The following TBC1D22B variants were observed in gnomAD, a reference collection of about 807,000 sequenced individuals.
TBC1D22B encodes the protein chromosome 6 open reading frame 197.
In TBC1D22B, 32 loss-of-function variants were observed where a neutral mutation model predicts 69.1. The observed-to-expected ratio is 0.46, with a 90% CI of 0.35 to 0.62. The LOEUF (loss-of-function observed/expected upper bound fraction) is 0.62. Among genes scored for constraint, TBC1D22B ranks in the 20% least tolerant of loss-of-function variants. The pLI, the probability that TBC1D22B is intolerant of heterozygous loss-of-function variation, is 0.00. For synonymous variants in TBC1D22B, 206 were observed against 229.8 expected, an observed-to-expected ratio of 0.90 and a Z score of 0.94; for missense variants, 462 against 630.9, an observed-to-expected ratio of 0.73 and a Z score of 2.87.
chr6:37,271,781 G>C (rs139748548), intron 2 of TBC1D22B, among the ~76,000 whole-genome samples: 67 of 150,288 alleles, frequency 4.5e-4, no homozygotes, highest in Middle Eastern at 3.5e-3. Flanking sequence ...GATTTGGTGT[G>C]TGTATAAGGC....
chr6:37,260,935 C>T (rs943832810), intron 1 of TBC1D22B, among the ~76,000 whole-genome samples: 4 of 152,094 alleles, frequency 2.6e-5, no homozygotes, highest in African/African-American at 9.7e-5. Flanking sequence ...GTACGTAATG[C>T]TTTTATGAAC....
chr6:37,287,471 G>A (rs770453664), intron 7 of TBC1D22B, among the ~76,000 whole-genome samples: 4 of 152,094 alleles, frequency 2.6e-5, no homozygotes, highest in African/African-American at 9.7e-5. Context: ...TCACGTTATT[G>A]TATGACCATC....
At chr6:37,302,251 G>A (rs1050805125) in intron 8 of TBC1D22B, among the ~76,000 whole-genome samples, 1 of 152,198 alleles carries the variant, frequency 6.6e-6, no homozygotes, top group East Asian at 1.9e-4. Context: ...TGTAAAAGTG[G>A]GTCCTCTGCA....
chr6:37,330,649 A>G (rs1040151159), intron 12 of TBC1D22B, among the ~76,000 whole-genome samples: 18 of 152,224 alleles, frequency 1.2e-4, no homozygotes, highest in Admixed American at 9.2e-4. Flanking sequence ...CTGTCTCAAA[A>G]AAAAGTCATA....
intron 12 of TBC1D22B, among the ~76,000 whole-genome samples, chr6:37,319,471 C>T (rs1335339195): frequency 6.6e-6 from 1 of 152,186 alleles, no homozygotes; most frequent in Non-Finnish European, 1.5e-5. Flanking sequence ...TAGCAGTTCA[C>T]AATATCGGCA....
intron 8 of TBC1D22B, among the ~76,000 whole-genome samples, chr6:37,309,171 A>C (rs1767827374): frequency 6.6e-6 from 1 of 152,226 alleles, no homozygotes; most frequent in South Asian, 2.1e-4. Flanking sequence ...ATTGAGACAC[A>C]GAAAGTAAAG....
Position 37,284,423 on chromosome 6 carries a change from G to T in TBC1D22B, c.760G>T (p.Asp254Tyr). ...EYFGFIEQYYDSRNEEHHQDT... is the reference protein window; with the variant it reads ...EYFGFIEQYYYSRNEEHHQDT... ...TTTTGGCTTCATTGAACAGTATTAT[G>T]ACTCTCGAAACGAGGAACATCACCA... Residue 254 changes from aspartate (D) to tyrosine (Y), a missense_variant, in exon 6 of 13, where the codon GAC becomes TAC. Around this residue, in one of 2 missense-constraint regions of TBC1D22B, gnomAD observed 225 missense variants for 375.4 expected, o/e 0.60. Coordinates refer to ENST00000373491, the MANE Select transcript of TBC1D22B (RefSeq NM_017772.4). 1 of 1,608,432 alleles carries T rather than the reference G, an allele frequency of 6.2e-7. No homozygotes were observed. Among genetic ancestry groups the T allele is most frequent in the South Asian group, 1.1e-5 (1 of 90,076 alleles).
At chr6:37,304,543 T>G (rs115844037) in intron 8 of TBC1D22B, among the ~76,000 whole-genome samples, 1 of 152,318 alleles carries the variant, frequency 6.6e-6, no homozygotes, top group African/African-American at 2.4e-5. Context: ...ATATATATTG[T>G]ATGATTCACA....
At chr6:37,279,033 A>G (rs1439025604) in intron 2 of TBC1D22B, among the ~76,000 whole-genome samples, 3 of 152,154 alleles carry the variant, frequency 2.0e-5, no homozygotes, top group Non-Finnish European at 4.4e-5. Context: ...TATTGGTCAT[A>G]TGGCCTCACC....
chr6:37,276,164 T>C (rs931211411), intron 2 of TBC1D22B, among the ~76,000 whole-genome samples: 2 of 151,962 alleles, frequency 1.3e-5, no homozygotes, highest in Admixed American at 1.3e-4. Context: ...GAGGTTTCAC[T>C]ATGTTGGTCA....
In TBC1D22B at chr6:37,316,812, C is replaced by T; in HGVS notation, c.1275C>T (p.Arg425=). Residue 425 remains arginine (R), a synonymous_variant, in exon 11 of 13, where the codon CGC becomes CGT. Transcript: ENST00000373491. ...MRELPLRCTI[R]LWDTYQSEPE... ...AGCTTCCTCTTCGCTGCACCATCCGCCTGTGGGACACATATCAGGTAGGAG... is the reference window on the plus strand; with the variant it reads ...AGCTTCCTCTTCGCTGCACCATCCGTCTGTGGGACACATATCAGGTAGGAG... 1 of 1,614,236 alleles carries T rather than the reference C, an allele frequency of 6.2e-7. No individual in the cohort carries two copies. Among genetic ancestry groups the T allele is most frequent in the Non-Finnish European group, 8.5e-7 (1 of 1,180,048 alleles).
At chr6:37,268,565 A>T (rs1766379628) in intron 1 of TBC1D22B, among the ~76,000 whole-genome samples, 1 of 152,226 alleles carries the variant, frequency 6.6e-6, no homozygotes, top group African/African-American at 2.4e-5. Flanking sequence ...CGAAAAGCAC[A>T]TGAAGCACAA....
intron 6 of TBC1D22B, among the ~76,000 whole-genome samples, chr6:37,285,902 G>A (rs532155452): frequency 2.0e-5 from 3 of 152,354 alleles, no homozygotes; most frequent in East Asian, 3.9e-4. Context: ...GATCACAGGC[G>A]TGAGCCATCG....
chr6:37,324,358 C>A (rs1471699653), intron 12 of TBC1D22B: 1 of 456,624 alleles, frequency 2.2e-6, no homozygotes, highest in Non-Finnish European at 4.4e-6. Flanking sequence ...AGAGGTGGCA[C>A]CGATGATAAA....
chr6:37,315,723 G>C (rs541268525), intron 10 of TBC1D22B, among the ~76,000 whole-genome samples: 1 of 152,104 alleles, frequency 6.6e-6, no homozygotes, highest in East Asian at 2.0e-4. Context: ...TTATAGGTGC[G>C]CACCATGACG....
intron 8 of TBC1D22B, among the ~76,000 whole-genome samples, chr6:37,300,491 A>G (rs1353925177): frequency 6.6e-6 from 1 of 152,006 alleles, no homozygotes; most frequent in Non-Finnish European, 1.5e-5. Context: ...CCTCCCTAGT[A>G]GCTGGAACTA....
At chr6:37,296,142 A>G (rs1439884125) in intron 8 of TBC1D22B, among the ~76,000 whole-genome samples, 1 of 152,188 alleles carries the variant, frequency 6.6e-6, no homozygotes, top group Non-Finnish European at 1.5e-5. Context: ...TGCACCTGTA[A>G]TTCCAGCTAC....
intron 12 of TBC1D22B, among the ~76,000 whole-genome samples, chr6:37,325,750 A>G (rs1377660204): frequency 6.6e-6 from 1 of 151,902 alleles, no homozygotes; most frequent in Non-Finnish European, 1.5e-5. Context: ...GGGTTTCACC[A>G]TGTTAGCCAG....
intron 2 of TBC1D22B, among the ~76,000 whole-genome samples, chr6:37,271,391 A>G (rs756367192): frequency 2.6e-5 from 4 of 152,236 alleles, no homozygotes; most frequent in Non-Finnish European, 4.4e-5. Flanking sequence ...CACAGAATGT[A>G]CAAGAGTGAA....
Sources: allele counts gnomAD v4.1 joint callset (sites outside exome capture counted in the v4.1 genomes callset), GRCh38; gene constraint gnomAD v4.1.1; regional missense constraint gnomAD v4.1.1; transcripts MANE v1.5; gene names NCBI Gene and HGNC (gene_info 2026-07-23, HGNC 2026-07-21).